Variants in LRRFIP1 observed in about 807,000 individuals in gnomAD.
LRRFIP1 encodes leucine-rich repeat flightless-interacting protein 1.
Under a neutral mutation model 104.4 loss-of-function variants are expected in LRRFIP1, and 62 were observed. The observed-to-expected ratio is 0.59, with a 90% CI of 0.48 to 0.73. The LOEUF (loss-of-function observed/expected upper bound fraction) is 0.73. Ranked by LOEUF, LRRFIP1 falls within the 30% of genes least tolerant of loss-of-function variation. LRRFIP1 has a pLI of 0.00. For synonymous variants in LRRFIP1, 300 were observed against 299.0 expected (o/e 1.00, Z -0.03); for missense variants, 796 against 824.5 (o/e 0.97, Z 0.42).
chr2:237,753,606 G>A, intron 15 of LRRFIP1, 127 bp downstream of exon 15: 1 of 670,246 alleles, frequency 1.5e-6, no homozygotes, highest in East Asian at 3.1e-5. Flanking sequence ...GACCAGCCTG[G>A]GCAACATGGC....
At chr2:237,692,430 G>A (rs775534356) in intron 1 of LRRFIP1, 3 of 1,497,316 alleles carry the variant, frequency 2.0e-6, no homozygotes, top group African/African-American at 1.5e-5. Flanking sequence ...ATTTCCCGCC[G>A]GGTGGAGCGG....
intron 1 of LRRFIP1, among the ~76,000 whole-genome samples, chr2:237,629,657 A>T (rs113035845): frequency 0.028 from 4,308 of 152,082 alleles, 116 homozygotes; most frequent in African/African-American, 0.07. Flanking sequence ...TTTTTAATAG[A>T]GACGGGGTTT....
rs1046286987 is a variant in LRRFIP1, at chr2:237,703,186, G to C, written c.97-5358G>C. 2.6e-5 allele frequency among the ~76,000 whole-genome samples: 4 copies of C among 152,152 alleles called. No individual in the cohort carries two copies. Among genetic ancestry groups the C allele is most frequent in the African/African-American group, 9.7e-5 (4 of 41,430 alleles). On this transcript the variant is annotated intron_variant, in intron 1 of 23. Coordinates refer to ENST00000308482, the MANE Select transcript of LRRFIP1 (RefSeq NM_001137550.2). The surrounding 1 kb of genome is among the most constrained non-coding windows in gnomAD (Gnocchi z 4.3). ...GAAAGAATGACTCAACCTGCAGGCC[G>C]TCTGGGGTATGCACAGTCTCGTCTC...
Position 237,756,087 on chromosome 2 carries a change from C to T in LRRFIP1, c.1039-8C>T, listed in dbSNP as rs374328735. The stretch of plus-strand genomic sequence containing the variant: ...CCACTGCTTTAGTGCTGTTTTTCTC[C>T]TTTACAGGAATTTGAAAGGGAAAAA... On this transcript the variant is annotated splice_polypyrimidine_tract_variant and splice_region_variant and intron_variant, in intron 15 of 23. Coordinates refer to ENST00000308482, the MANE Select transcript of LRRFIP1 (RefSeq NM_001137550.2). 9.3e-6 allele frequency: 15 copies of T among 1,608,328 alleles called. No homozygotes were observed. Among genetic ancestry groups the T allele is most frequent in the Non-Finnish European group, 1.2e-5 (14 of 1,175,310 alleles).
chr2:237,674,713 TG>T (rs1299548954), intron 1 of LRRFIP1, among the ~76,000 whole-genome samples: 2 of 152,246 alleles, frequency 1.3e-5, no homozygotes, highest in Non-Finnish European at 2.9e-5. Context: ...CCTTCCATTA[TG>T]AATGCGGGCA....
At chr2:237,719,283 T>G (rs1042148232) in intron 4 of LRRFIP1, among the ~76,000 whole-genome samples, 18 of 152,232 alleles carry the variant, frequency 1.2e-4, no homozygotes, top group Admixed American at 6.5e-5. Context: ...AAACACTGTT[T>G]TTACAACAAA....
intron 1 of LRRFIP1, among the ~76,000 whole-genome samples, chr2:237,681,833 C>T (rs890653636): frequency 1.3e-5 from 2 of 149,238 alleles, no homozygotes; most frequent in South Asian, 2.2e-4. Flanking sequence ...GCGCCCGCCA[C>T]TACGCCCGGC....
Position 237,780,683 on chromosome 2 carries a change from T to C in LRRFIP1, c.*1151T>C, listed in dbSNP as rs921205767. ...TATCATCCAAAACCATATCTAGTCT[T>C]AACACATGGAGAATGCTGGAGTGAG... On this transcript the variant is annotated 3_prime_UTR_variant, in exon 24 of 24. Coordinates refer to ENST00000308482, the MANE Select transcript of LRRFIP1 (RefSeq NM_001137550.2). Among the ~76,000 whole-genome samples the C allele has an allele frequency of 4.6e-5, 7 of 152,174 alleles. No individual in the cohort carries two copies. The highest frequency in any genetic ancestry group is 8.8e-5 in the Non-Finnish European group (6 of 68,032).
rs2060234165 is a variant in LRRFIP1 at position 237,766,057 on chromosome 2, C to T, written c.1460-3886C>T. The T allele has an allele frequency of 1.3e-5, 4 of 305,778 alleles. No homozygotes were observed. Among genetic ancestry groups the T allele is most frequent in the Non-Finnish European group, 1.9e-5 (4 of 208,768 alleles). 18.9% of individuals were successfully genotyped at this position (305,778 alleles called of 1,614,324 possible). ...AAGACCCACGCCTGATGCCCTCCCT[C>T]AGTAAGGAATGCACTTCCCTCCTGG... On this transcript the variant is annotated intron_variant, in intron 19 of 23. Transcript: ENST00000308482. This position sits in a 1 kb window ranked among gnomAD's most constrained non-coding sequence, Gnocchi z 4.8.
Position 237,711,919 on chromosome 2 carries a change from C to T in LRRFIP1, c.184-2340C>T, listed in dbSNP as rs573073879. On this transcript the variant is annotated intron_variant, in intron 2 of 23. Coordinates refer to ENST00000308482, the MANE Select transcript of LRRFIP1 (RefSeq NM_001137550.2). The surrounding 1 kb of genome is among the most constrained non-coding windows in gnomAD (Gnocchi z 4.4). ...CCAGCGCAGCACGCGTTCCTAACGG[C>T]GGCAACGGTGCCTTCATGAATTTCG... Among the ~76,000 whole-genome samples the T allele has an allele frequency of 4.7e-4, 71 of 152,336 alleles. No homozygotes were observed. The highest frequency in any genetic ancestry group is 1.6e-3 in the African/African-American group (65 of 41,578).
chr2:237,722,821 C>A (rs750919467), intron 6 of LRRFIP1, among the ~76,000 whole-genome samples: 1 of 152,172 alleles, frequency 6.6e-6, no homozygotes, highest in Non-Finnish European at 1.5e-5. Flanking sequence ...CTGCTCAGGG[C>A]CCTGGTGGGC....
At chr2:237,722,083 A>G (rs1227807218) in intron 6 of LRRFIP1, 1 of 152,268 alleles carries the variant, frequency 6.6e-6, no homozygotes, top group East Asian at 1.9e-4. Flanking sequence ...AAACCAGTGA[A>G]GAAAATGCTG....
At chr2:237,756,728 ATTTG>A (rs2059307856) in intron 16 of LRRFIP1, among the ~76,000 whole-genome samples, 1 of 152,082 alleles carries the variant, frequency 6.6e-6, no homozygotes, top group Non-Finnish European at 1.5e-5. Context: ...GTGATCTTGT[ATTTG>A]TTTGGGGAGG....
Position 237,739,972 on chromosome 2 carries a change from G to A in LRRFIP1, c.633+663G>A, listed in dbSNP as rs537777402. ...TGGGGCTTGTGGGAATGGAGGAGGG[G>A]AGGTGGGCACATGGCCGGGGAAACA... On this transcript the variant is annotated intron_variant, in intron 11 of 23. Transcript: ENST00000308482. Among the ~76,000 whole-genome samples, 35 of 152,210 alleles carry A rather than the reference G, an allele frequency of 2.3e-4. No homozygotes were observed. The South Asian group carries it at 3.3e-3, about 14-fold the overall frequency.
At chr2:237,744,121 C>T (rs1334748600) in intron 11 of LRRFIP1, among the ~76,000 whole-genome samples, 1 of 152,146 alleles carries the variant, frequency 6.6e-6, no homozygotes, top group Admixed American at 6.5e-5. Context: ...ATTACAAACA[C>T]CAGAGTTCAA....
At chr2:237,670,712 C>T (rs2090202361) in intron 1 of LRRFIP1, among the ~76,000 whole-genome samples, 1 of 152,222 alleles carries the variant, frequency 6.6e-6, no homozygotes, top group African/African-American at 2.4e-5. Flanking sequence ...TGCCTGGGCC[C>T]AGCTCTGGCT....
chr2:237,706,232 G>A (rs946562834), intron 1 of LRRFIP1, among the ~76,000 whole-genome samples: 5 of 152,050 alleles, frequency 3.3e-5, no homozygotes, highest in African/African-American at 1.2e-4. Flanking sequence ...CAGAGTCTTG[G>A]GGACCAACCC....
At position 237,756,122 on chromosome 2, in the gene LRRFIP1, A is replaced by C. The variant is rs148114732; in HGVS notation, c.1066A>C (p.Ser356Arg). Residue 356 changes from serine to arginine, a missense_variant, in exon 16 of 24, where the codon AGT becomes CGT. Physicochemically the swap from Ser to Arg is moderately radical, Grantham distance 110 (BLOSUM62 -1). Transcript: ENST00000308482. ...ATTTGAAAGGGAAAAACACGCCCAC[A>C]GTATACTGCAATTTCAGTTTGCTGA... Reference protein sequence around the residue: ...KEFEREKHAHSILQFQFAEVK... With the variant: ...KEFEREKHAHRILQFQFAEVK... The C allele has an allele frequency of 1.4e-4, 225 of 1,613,990 alleles. 3 individuals carry two copies. The African/African-American group carries it at 2.7e-3, about 19-fold the overall frequency.
At chr2:237,694,148 T>A (rs1303895109) in intron 1 of LRRFIP1, among the ~76,000 whole-genome samples, 3 of 152,232 alleles carry the variant, frequency 2.0e-5, no homozygotes, top group African/African-American at 7.2e-5. Context: ...CACTGATCCC[T>A]CTGAGTGTGA....
Sources: allele counts gnomAD v4.1 joint callset (sites outside exome capture counted in the v4.1 genomes callset), GRCh38; gene constraint gnomAD v4.1.1; non-coding constraint Gnocchi (gnomAD v3.1); transcripts MANE v1.5; gene names NCBI Gene and HGNC (gene_info 2026-07-23, HGNC 2026-07-21).